The following CECR2 variants were observed in gnomAD, a reference collection of about 807,000 sequenced individuals.
CECR2 encodes the protein CECR2 histone acetyl-lysine reader, also known as chromatin remodeling regulator CECR2.
A neutral mutation model predicts 154.5 loss-of-function variants in CECR2; 30 were observed. That is an observed-to-expected ratio of 0.19 (90% CI 0.15 to 0.26). CECR2 has a LOEUF of 0.26. Ranked by LOEUF, CECR2 falls within the 10% of genes least tolerant of loss-of-function variation. The pLI, the probability that CECR2 is intolerant of heterozygous loss-of-function variation, is 1.00. For synonymous variants in CECR2, 725 were observed against 683.7 expected, an observed-to-expected ratio of 1.06 and a Z score of -0.94; for missense variants, 1,743 against 1,829.3, an observed-to-expected ratio of 0.95 and a Z score of 0.86.
intron 16 of CECR2, among the ~76,000 whole-genome samples, chr22:17,547,852 C>T (rs2056637506): frequency 6.6e-6 from 1 of 152,278 alleles, no homozygotes; most frequent in Middle Eastern, 3.4e-3. Context: ...AGCCACAAGC[C>T]GTCTCTCAGC....
intron 1 of CECR2, among the ~76,000 whole-genome samples, chr22:17,456,054 A>G (rs994154475): frequency 5.3e-5 from 8 of 152,164 alleles, no homozygotes; most frequent in Non-Finnish European, 7.3e-5. Context: ...TCACCATTGT[A>G]TTTTAAATAT....
chr22:17,365,011 G>A (rs1158755085), upstream of CECR2, among the ~76,000 whole-genome samples: 1 of 152,090 alleles, frequency 6.6e-6, no homozygotes, highest in Non-Finnish European at 1.5e-5. Flanking sequence ...GATCACCTGA[G>A]GTCGGGAGTT....
chr22:17,550,367 G>A (rs976985216), intron 17 of CECR2: 1 of 153,092 alleles, frequency 6.5e-6, no homozygotes, highest in Admixed American at 6.7e-5. Flanking sequence ...CTGTAAGCAA[G>A]CCTGTGTCAA....
At chr22:17,478,440 T>C (rs957990293) in intron 2 of CECR2, among the ~76,000 whole-genome samples, 9 of 151,124 alleles carry the variant, frequency 6.0e-5, no homozygotes, top group Admixed American at 2.6e-4. Context: ...ACTGCAAGCT[T>C]CACCTCCCAG....
rs200495617 is a variant in CECR2, at chr22:17,548,640, C to T, written c.3353C>T (p.Pro1118Leu). 21 of 1,612,808 alleles carry T rather than the reference C, an allele frequency of 1.3e-5. No individual in the cohort carries two copies. The highest frequency in any genetic ancestry group is 8.9e-5 in the East Asian group (4 of 44,834). The change falls in exon 17 of 19, where the codon CCG becomes CTG. Residue 1118 changes from proline to leucine, a missense_variant. Around this residue, in one of 4 missense-constraint regions of CECR2, gnomAD observed 1,250 missense variants for 1,192.1 expected, o/e 1.05. Coordinates refer to ENST00000262608, the MANE Select transcript of CECR2 (RefSeq NM_001290047.2). Reference protein sequence around the residue: ...LTGGTVSQFPPLYMPGLEYPN... With the variant: ...LTGGTVSQFPLLYMPGLEYPN... Reference sequence around the variant, plus strand: ...GGAGGCACTGTGAGCCAGTTTCCCCCGCTGTATATGCCTGGCCTAGAGTAC... The same window carrying T: ...GGAGGCACTGTGAGCCAGTTTCCCCTGCTGTATATGCCTGGCCTAGAGTAC...
At chr22:17,407,142 G>A (rs1258454926) in intron 1 of CECR2, among the ~76,000 whole-genome samples, 1 of 152,218 alleles carries the variant, frequency 6.6e-6, no homozygotes, top group African/African-American at 2.4e-5. Flanking sequence ...AGAAACTTAA[G>A]ATAAACTCTT....
intron 8 of CECR2, among the ~76,000 whole-genome samples, chr22:17,523,770 A>AG (rs1426913872): frequency 3.4e-5 from 5 of 145,138 alleles, no homozygotes; most frequent in Admixed American, 2.7e-4. Context: ...AAAAAAAAAA[A>AG]AAAAAGAAAA....
chr22:17,547,477 G>A (rs1005110242), intron 16 of CECR2, among the ~76,000 whole-genome samples: 1 of 152,100 alleles, frequency 6.6e-6, no homozygotes, highest in Non-Finnish European at 1.5e-5. Context: ...TGATCTGCCC[G>A]CCTCGGCCTC....
At position 17,539,073 on chromosome 22, in the gene CECR2, G is replaced by A. The variant is rs1481277764; in HGVS notation, c.1449G>A (p.Met483Ile). 2 of 1,613,908 alleles carry A rather than the reference G, an allele frequency of 1.2e-6. No individual in the cohort carries two copies. The highest frequency in any genetic ancestry group is 1.7e-6 in the Non-Finnish European group (2 of 1,179,872). ...YCTKEEFVND[M>I]KTMFRNCRKY... ...CCAAGGAGGAATTTGTAAATGACAT[G>A]AAGACCATGTTCAGGAATTGTCGAA... Residue 483 changes from methionine (M) to isoleucine (I), a missense_variant, in exon 13 of 19, where the codon ATG (methionine) becomes ATA (isoleucine). By Grantham distance (10) the Met-to-Ile change is conservative (BLOSUM62 1). Transcript: ENST00000262608.
intron 1 of CECR2, among the ~76,000 whole-genome samples, chr22:17,476,259 T>A (rs1001966493): frequency 1.8e-4 from 27 of 151,248 alleles, no homozygotes; most frequent in African/African-American, 6.3e-4. Context: ...CTAGTACTGA[T>A]TGATTTGTGT....
At chr22:17,517,235 T>C (rs1266897261) in intron 8 of CECR2, among the ~76,000 whole-genome samples, 1 of 148,240 alleles carries the variant, frequency 6.7e-6, no homozygotes, top group East Asian at 1.9e-4. Flanking sequence ...GCACTTGCGC[T>C]TTCTGGCTCT....
At chr22:17,475,965 C>T (rs1325226556) in intron 1 of CECR2, among the ~76,000 whole-genome samples, 1 of 151,832 alleles carries the variant, frequency 6.6e-6, no homozygotes, top group African/African-American at 2.4e-5. Context: ...CTCACTTTGC[C>T]TCTCTATAGA....
chr22:17,457,370 A>C (rs1337350542), intron 1 of CECR2, among the ~76,000 whole-genome samples: 1 of 152,194 alleles, frequency 6.6e-6, no homozygotes, highest in African/African-American at 2.4e-5. Context: ...GGCCTTTCTG[A>C]ACTAATAGGG....
intron 1 of CECR2, among the ~76,000 whole-genome samples, chr22:17,410,430 A>G (rs1374774720): frequency 1.3e-5 from 2 of 151,790 alleles, no homozygotes; most frequent in East Asian, 3.9e-4. Flanking sequence ...TATAATAAAA[A>G]CAAGCGTTTT....
chr22:17,453,726 T>G (rs1471058078), intron 1 of CECR2, among the ~76,000 whole-genome samples: 3 of 152,230 alleles, frequency 2.0e-5, no homozygotes, highest in Admixed American at 2.0e-4. Context: ...AATTTTATAC[T>G]TTGATAAGTT....
Position 17,419,509 on chromosome 22 carries a change from AG to A in CECR2, c.126+49602del, listed in dbSNP as rs1306897579. ...GAGCCTCATCAGGAAGAGGAAGAGG[AG>A]GAAGAAGAAGAAGAAGAAGAGGAAG... On this transcript the variant is annotated intron_variant, in intron 1 of 18. Transcript: ENST00000262608. 6.2e-3 allele frequency: 1,015 copies of A among 163,488 alleles called. 7 individuals carry two copies. The highest frequency in any genetic ancestry group is 0.052 in the African/African-American group (946 of 18,196). 10.1% of individuals were successfully genotyped at this position (163,488 alleles called of 1,614,324 possible). A position where few individuals can be genotyped will look rare whatever the true frequency, so the allele number is the denominator to read the frequency against.
chr22:17,477,745 A>T (rs952460584), intron 2 of CECR2, 63 bp downstream of exon 2: 16 of 1,170,220 alleles, frequency 1.4e-5, no homozygotes, highest in Admixed American at 1.2e-4. Flanking sequence ...AACCATAGTG[A>T]TGTTTCCTGT....
At chr22:17,391,263 C>G (rs2063322906) in intron 1 of CECR2, among the ~76,000 whole-genome samples, 1 of 152,218 alleles carries the variant, frequency 6.6e-6, no homozygotes, top group African/African-American at 2.4e-5. Flanking sequence ...TGTACCACAC[C>G]TCCATCCTGG....
At chr22:17,416,273 A>G (rs1046361095) in intron 1 of CECR2, among the ~76,000 whole-genome samples, 14 of 152,334 alleles carry the variant, frequency 9.2e-5, no homozygotes, top group African/African-American at 1.4e-4. Flanking sequence ...GATTACTAAT[A>G]TGGAATTTGG....
Sources: gnomAD v4.1 joint callset for allele counts (sites outside exome capture counted in the v4.1 genomes callset) on GRCh38, gnomAD v4.1.1 for gene constraint, gnomAD v4.1.1 regional missense constraint, MANE v1.5 for transcripts, NCBI Gene and HGNC (gene_info 2026-07-23, HGNC 2026-07-21) for gene names.